Variants in HNF4G observed in about 807,000 individuals in gnomAD.
HNF4G encodes the protein hepatocyte nuclear factor 4-gamma.
A neutral mutation model predicts 50.9 loss-of-function variants in HNF4G; 21 were observed. That is an observed-to-expected ratio of 0.41 (90% CI 0.29 to 0.59). HNF4G has a LOEUF of 0.59. Ranked by LOEUF, HNF4G falls within the 20% of genes least tolerant of loss-of-function variation. The probability of loss-of-function intolerance (pLI) is 0.26; values close to 1 mark genes in which losing one functional copy is unlikely to be tolerated. For missense variants in HNF4G, 527 were observed against 559.4 expected (o/e 0.94, Z 0.58); for synonymous variants, 198 against 185.6 (o/e 1.07, Z -0.54).
At chr8:75,551,297 T>G in intron 3 of HNF4G, 91 bp from the exon 4 acceptor site, 1 of 683,720 alleles carries the variant, frequency 1.5e-6, no homozygotes, top group South Asian at 1.9e-5. Context: ...TTTTCTCACT[T>G]TTTTTACTTA....
intron 2 of HNF4G, among the ~76,000 whole-genome samples, chr8:75,519,405 G>A (rs1003485400): frequency 6.6e-6 from 1 of 152,146 alleles, no homozygotes; most frequent in African/African-American, 2.4e-5. Flanking sequence ...CATTTCAGGT[G>A]TCTTTAAAGC....
intron 1 of HNF4G, among the ~76,000 whole-genome samples, chr8:75,439,678 TTAA>T (rs1419764378): frequency 2.6e-5 from 4 of 152,066 alleles, no homozygotes; most frequent in African/African-American, 9.7e-5. Flanking sequence ...TGCAAAGATA[TTAA>T]GAGTTCACAT....
At chr8:75,549,891 A>G (rs1436965408) in intron 3 of HNF4G, among the ~76,000 whole-genome samples, 3 of 152,018 alleles carry the variant, frequency 2.0e-5, no homozygotes, top group Non-Finnish European at 4.4e-5. Context: ...TAGTTTACTG[A>G]GAATGATGAT....
Position 75,504,512 on chromosome 8 carries a change from A to G in HNF4G, c.-24+14304A>G, listed in dbSNP as rs554682993. On this transcript the variant is annotated intron_variant, in intron 2 of 10. Transcript: ENST00000354370. ...CACTTACAAACATATATACACATAT[A>G]CATATACTTTTTGGGGGAGGGCAAT... is the stretch of plus-strand genomic sequence containing the variant. Among the ~76,000 whole-genome samples, 267 of 82,402 alleles carry G rather than the reference A, an allele frequency of 3.2e-3. 1 individual carries two copies. Among genetic ancestry groups the G allele is most frequent in the South Asian group, 5.3e-3 (17 of 3,214 alleles). The allele number at this position is 82,402 out of a possible 152,430, so 54.1% of individuals were successfully genotyped here. A position where few individuals can be genotyped will look rare whatever the true frequency, so the allele number is the denominator to read the frequency against.
rs1201696196 is a variant in HNF4G at position 75,564,804 on chromosome 8, A to C, written c.*708A>C. On this transcript the variant is annotated 3_prime_UTR_variant, in exon 10 of 10. Coordinates refer to ENST00000396423, the MANE Select transcript of HNF4G (RefSeq NM_004133.5). Reference sequence around the variant, plus strand: ...GTGAACTGTAACAAAGAAACCCCTAAAACAGTGACTAAATCAAGAGAGGAA... The same window carrying C: ...GTGAACTGTAACAAAGAAACCCCTACAACAGTGACTAAATCAAGAGAGGAA... The C allele has an allele frequency of 6.6e-6, 1 of 152,224 alleles. No homozygotes were observed. The highest frequency in any genetic ancestry group is 1.5e-5 in the Non-Finnish European group (1 of 68,032). The allele number at this position is 152,224 out of a possible 1,614,324, so 9.4% of individuals were successfully genotyped here.
Position 75,558,862 on chromosome 8 carries a change from T to G in HNF4G, c.948T>G (p.Gly316=), listed in dbSNP as rs2130814123. ...ACATGAGGTTCCAAGTGCAGATCGGTTTGGAGGACTACATCAATGATCGGC... is the reference window on the plus strand; with the variant it reads ...ACATGAGGTTCCAAGTGCAGATCGGGTTGGAGGACTACATCAATGATCGGC... The part of the protein sequence containing the change: ...IKNMRFQVQI[G]LEDYINDRQY... The change falls in exon 8 of 10, where the codon GGT becomes GGG. Residue 316 remains glycine (G), a synonymous_variant. Coordinates refer to ENST00000396423, the MANE Select transcript of HNF4G (RefSeq NM_004133.5). The G allele has an allele frequency of 6.2e-7, 1 of 1,613,914 alleles. No homozygotes were observed. The highest frequency in any genetic ancestry group is 2.2e-5 in the East Asian group (1 of 44,854).
At chr8:75,528,330 G>T (rs1806236377) in intron 2 of HNF4G, among the ~76,000 whole-genome samples, 2 of 152,054 alleles carry the variant, frequency 1.3e-5, no homozygotes, top group Admixed American at 1.3e-4. Flanking sequence ...AAATATGAGT[G>T]GTTAGTTACA....
rs907211570 is a variant in HNF4G at position 75,410,731 on chromosome 8, G to A, written c.-144+2569G>A. Among the ~76,000 whole-genome samples, 4 of 152,104 alleles carry A rather than the reference G, an allele frequency of 2.6e-5. No individual in the cohort carries two copies. The East Asian group carries it at 7.7e-4, about 29-fold the overall frequency. ...TTTTAAATGAGGTGTTATAGCTCTG[G>A]GTCCTTTAAAAAGTTATCCATGCAA... On this transcript the variant is annotated intron_variant, in intron 1 of 10. Transcript: ENST00000354370.
intron 6 of HNF4G, 106 bp downstream of exon 6, chr8:75,556,175 A>C: frequency 2.0e-6 from 1 of 488,886 alleles, no homozygotes. Flanking sequence ...ACACTGGCAA[A>C]TGGTGCTGTC....
upstream of HNF4G, chr8:75,407,947 C>A (rs986387917): frequency 1.3e-5 from 2 of 151,986 alleles, no homozygotes; most frequent in African/African-American, 4.8e-5. Flanking sequence ...TCGGGAGCTC[C>A]GGGAGCGGCC....
chr8:75,501,475 A>G lies in HNF4G; in HGVS notation c.-24+11267A>G, dbSNP rs1366196645. Among the ~76,000 whole-genome samples, 5 of 152,232 alleles carry G rather than the reference A, an allele frequency of 3.3e-5. No homozygotes were observed. In the East Asian group the frequency reaches 9.7e-4, roughly 29 times the overall value. On this transcript the variant is annotated intron_variant, in intron 2 of 10. Transcript: ENST00000354370. Reference sequence around the variant, plus strand: ...AATGTTTGGTAACATTTGGTACATAATAGACAGATCGATAAGTTGAAACAG... The same window carrying G: ...AATGTTTGGTAACATTTGGTACATAGTAGACAGATCGATAAGTTGAAACAG...
intron 1 of HNF4G, among the ~76,000 whole-genome samples, chr8:75,427,741 G>A (rs1279231936): frequency 6.6e-6 from 1 of 151,838 alleles, no homozygotes; most frequent in Non-Finnish European, 1.5e-5. Context: ...TTAGATAATA[G>A]CAGGGTATAT....
At chr8:75,473,734 G>A (rs1308257022) in intron 1 of HNF4G, among the ~76,000 whole-genome samples, 1 of 152,150 alleles carries the variant, frequency 6.6e-6, no homozygotes, top group East Asian at 1.9e-4. Context: ...CACTCGGATT[G>A]GAACTGGGGG....
At chr8:75,480,469 A>G (rs2130655379) in intron 1 of HNF4G, among the ~76,000 whole-genome samples, 1 of 152,310 alleles carries the variant, frequency 6.6e-6, no homozygotes, top group Non-Finnish European at 1.5e-5. Context: ...AATGATAAAG[A>G]TAATAGCTAA....
At chr8:75,449,011 G>C (rs769265332) in intron 1 of HNF4G, among the ~76,000 whole-genome samples, 1 of 152,048 alleles carries the variant, frequency 6.6e-6, no homozygotes, top group African/African-American at 2.4e-5. Context: ...CTGAGATTTG[G>C]GGGGGTATAG....
At chr8:75,460,815 T>C (rs1811821548) in intron 1 of HNF4G, among the ~76,000 whole-genome samples, 2 of 152,206 alleles carry the variant, frequency 1.3e-5, no homozygotes, top group South Asian at 4.1e-4. Context: ...TCCCCCTTCA[T>C]ATTTCAACTT....
In HNF4G at chr8:75,544,507, A is replaced by G. The variant is rs1806715258; in HGVS notation, c.287+528A>G. 2.0e-5 allele frequency among the ~76,000 whole-genome samples: 3 copies of G among 152,194 alleles called. No individual in the cohort carries two copies. In the South Asian group the frequency reaches 6.2e-4, roughly 31 times the overall value. On this transcript the variant is annotated intron_variant, in intron 2 of 9. Coordinates refer to ENST00000396423, the MANE Select transcript of HNF4G (RefSeq NM_004133.5). Reference sequence around the variant, plus strand: ...TGATTTTGGTAGTTTGTTGATATCAATGAGTGAAATTTAATTTTCAGTCCT... The same window carrying G: ...TGATTTTGGTAGTTTGTTGATATCAGTGAGTGAAATTTAATTTTCAGTCCT...
intron 2 of HNF4G, among the ~76,000 whole-genome samples, chr8:75,521,203 A>G (rs968882957): frequency 1.1e-4 from 16 of 152,334 alleles, no homozygotes; most frequent in African/African-American, 3.4e-4. Flanking sequence ...TTAAAAAGTA[A>G]CAAATATTCC....
At chr8:75,469,394 A>G (rs1458681889) in intron 1 of HNF4G, among the ~76,000 whole-genome samples, 1 of 152,194 alleles carries the variant, frequency 6.6e-6, no homozygotes, top group Non-Finnish European at 1.5e-5. Context: ...TCCAATCTAC[A>G]TCAGAGGGAC....
Sources: allele counts gnomAD v4.1 joint callset (sites outside exome capture counted in the v4.1 genomes callset), GRCh38; gene constraint gnomAD v4.1.1; transcripts MANE v1.5; gene names NCBI Gene and HGNC (gene_info 2026-07-23, HGNC 2026-07-21).